ULK1: variants seen among roughly 807,000 people sequenced by gnomAD.
ULK1 encodes the protein unc-51 like autophagy activating kinase 1, also known as serine/threonine-protein kinase ULK1.
In ULK1, 48 loss-of-function variants were observed where a neutral mutation model predicts 117.5. The ratio of observed to expected loss-of-function variants is 0.41; its 90% CI spans 0.32 to 0.52. The LOEUF (loss-of-function observed/expected upper bound fraction) is 0.52, where lower values mean the gene tolerates loss of function less well. Ranked by LOEUF, ULK1 falls within the 20% of genes least tolerant of loss-of-function variation. The pLI, the probability that ULK1 is intolerant of heterozygous loss-of-function variation, is 0.29. For synonymous variants in ULK1, 790 were observed against 637.8 expected, an observed-to-expected ratio of 1.24 and a Z score of -3.60; for missense variants, 1,387 against 1,473.4, an observed-to-expected ratio of 0.94 and a Z score of 0.96.
chr12:131,907,383 G>T (rs1337651530), intron 4 of ULK1, 112 bp from the exon 5 acceptor site: 2 of 1,385,366 alleles, frequency 1.4e-6, no homozygotes, highest in Non-Finnish European at 2.0e-6. Flanking sequence ...CTGGGCAGGT[G>T]CCTGCGGGCT....
At chr12:131,909,294 C>G in intron 8 of ULK1, 57 bp downstream of exon 8, 4 of 1,499,442 alleles carry the variant, frequency 2.7e-6, no homozygotes, top group Non-Finnish European at 3.6e-6. Flanking sequence ...TGTCCGCCAG[C>G]TGCGGTCAGA....
chr12:131,901,353 C>T (rs1320765712), intron 3 of ULK1, among the ~76,000 whole-genome samples: 1 of 144,088 alleles, frequency 6.9e-6, no homozygotes, highest in African/African-American at 2.6e-5. Context: ...CGAGACTCGT[C>T]TCAAAAAAAA....
At position 131,895,593 on chromosome 12, in the gene ULK1, G is replaced by T. The variant is rs544474930; in HGVS notation, c.112-8G>T. ...CCCTGGCCTTGAAGGTGCACGTTTG[G>T]CTTTCAGAAGCACGATTTGGAGGTC... On this transcript the variant is annotated splice_polypyrimidine_tract_variant and splice_region_variant and intron_variant, in intron 1 of 27. Coordinates refer to ENST00000321867, the MANE Select transcript of ULK1 (RefSeq NM_003565.4). 6.2e-7 allele frequency: 1 copy of T among 1,613,496 alleles called. No homozygotes were observed. Among genetic ancestry groups the T allele is most frequent in the African/African-American group, 1.3e-5 (1 of 75,024 alleles).
At position 131,921,152 on chromosome 12, in the gene ULK1, C is replaced by T. The variant is rs772458456; in HGVS notation, c.3014C>T (p.Pro1005Leu). 6 of 1,604,472 alleles carry T rather than the reference C, an allele frequency of 3.7e-6. No homozygotes were observed. In the South Asian group the frequency reaches 6.6e-5, roughly 18 times the overall value. Residue 1005 changes from proline (P) to leucine (L), a missense_variant, in exon 27 of 28, where the codon CCA (proline) becomes CTA (leucine). Physicochemically the swap from Pro to Leu is moderately conservative, Grantham distance 98 (BLOSUM62 -3). Transcript: ENST00000321867. ...EMFQHREGCV[P>L]RYHKALLLLE... is the part of the protein sequence containing the mutation. ...TTCCAGCACCGTGAGGGCTGCGTCC[C>T]ACGCTACCACAAGGCCCTGCTGCTC...
Position 131,914,457 on chromosome 12 carries a change from C to T in ULK1, c.1353C>T (p.Pro451=), listed in dbSNP as rs777407961. 1.2e-6 allele frequency: 2 copies of T among 1,612,562 alleles called. No homozygotes were observed. Among genetic ancestry groups the T allele is most frequent in the African/African-American group, 2.7e-5 (2 of 74,952 alleles). ...YQRIERNLQS[P]TQFQTPRSSA... The stretch of plus-strand genomic sequence containing the variant: ...GCATTGAGCGAAACCTGCAGTCACC[C>T]ACCCAGTTCCAAACACCTCGGTGAG... The change falls in exon 16 of 28, where the codon CCC becomes CCT. Residue 451 remains proline (P), a synonymous_variant. Coordinates refer to ENST00000321867, the MANE Select transcript of ULK1 (RefSeq NM_003565.4).
intron 22 of ULK1, 192 bp from the exon 23 acceptor site, chr12:131,918,302 TGTG>T: frequency 3.0e-6 from 2 of 659,900 alleles, no homozygotes; most frequent in African/African-American, 1.8e-5. Flanking sequence ...ACTTGGGGGT[TGTG>T]GTGAGTGGCA....
intron 26 of ULK1, 148 bp downstream of exon 26, chr12:131,920,284 C>G: frequency 1.8e-6 from 2 of 1,087,828 alleles, no homozygotes; most frequent in Non-Finnish European, 2.6e-6. Flanking sequence ...ATTATGCACC[C>G]CCAGCCTCCT....
chr12:131,909,534 C>T lies in ULK1; in HGVS notation c.667-241C>T, dbSNP rs569478016. Among the ~76,000 whole-genome samples the T allele has an allele frequency of 3.9e-5, 6 of 152,302 alleles. No individual in the cohort carries two copies. In the East Asian group the frequency reaches 1.2e-3, roughly 29 times the overall value. On this transcript the variant is annotated intron_variant, in intron 8 of 27. Transcript: ENST00000321867. ...GTCAGAGGTGAGGGCAGCGCCGGGG[C>T]CGAGTGGGTGAGGGCTGGGAGGCCG...
At chr12:131,895,225 C>G in intron 1 of ULK1, 113 bp downstream of exon 1, 1 of 816,934 alleles carries the variant, frequency 1.2e-6, no homozygotes, top group South Asian at 1.9e-5. Context: ...GAGAGCCCCA[C>G]TCGACTTTCC....
At chr12:131,915,852 C>T (rs951162084) in intron 18 of ULK1, 39 bp from the exon 19 acceptor site, 1 of 1,602,178 alleles carries the variant, frequency 6.2e-7, no homozygotes, top group Non-Finnish European at 8.5e-7. Flanking sequence ...GGCTGGGCCG[C>T]CGGACCGGAA....
intron 8 of ULK1, 73 bp downstream of exon 8, chr12:131,909,310 C>T: frequency 9.6e-6 from 14 of 1,454,766 alleles, no homozygotes; most frequent in Non-Finnish European, 1.3e-5. Context: ...TCAGACGCCC[C>T]CTGCGAGCCC....
intron 1 of ULK1, among the ~76,000 whole-genome samples, 161 bp from the exon 2 acceptor site, chr12:131,895,440 C>T (rs1024435287): frequency 6.6e-6 from 1 of 152,002 alleles, no homozygotes; most frequent in Non-Finnish European, 1.5e-5. Flanking sequence ...GATCCCTACC[C>T]CAGGACCCCC....
chr12:131,916,322 C>G (rs530040436), intron 19 of ULK1, 76 bp from the exon 20 acceptor site: 1 of 1,517,930 alleles, frequency 6.6e-7, no homozygotes, highest in African/African-American at 1.4e-5. Context: ...CCTGCGGACT[C>G]GGCCCCTTCC....
chr12:131,915,159 G>A lies in ULK1; in HGVS notation c.1450G>A (p.Ala484Thr), dbSNP rs1256904550. The A allele has an allele frequency of 6.2e-6, 10 of 1,604,782 alleles. No individual in the cohort carries two copies. Among genetic ancestry groups the A allele is most frequent in the Middle Eastern group, 1.7e-4 (1 of 6,060 alleles). The change falls in exon 17 of 28, where the codon GCT becomes ACT. Residue 484 changes from alanine to threonine, a missense_variant. Transcript: ENST00000321867. ...ARASPSPPAH[A>T]EHGGVLARKM... is the part of the protein sequence containing the mutation. ...GGCCAGCCCCTCGCCCCCTGCCCAC[G>A]CTGAGCATGGAGGCGTCCTGGCCAG...
chr12:131,918,300 G>T (rs998274511), intron 22 of ULK1, 197 bp from the exon 23 acceptor site: 1 of 663,144 alleles, frequency 1.5e-6, no homozygotes, highest in Non-Finnish European at 2.5e-6. Flanking sequence ...GGACTTGGGG[G>T]TTGTGGTGAG....
chr12:131,913,132 CGGTGG>C, intron 13 of ULK1, 61 bp from the exon 14 acceptor site: 1 of 1,458,042 alleles, frequency 6.9e-7, no homozygotes, highest in Admixed American at 2.4e-5. Context: ...CAGAGAGCCT[CGGTGG>C]GGTGGGGTGG....
At chr12:131,901,060 T>C (rs1889065876) in intron 3 of ULK1, among the ~76,000 whole-genome samples, 1 of 150,732 alleles carries the variant, frequency 6.6e-6, no homozygotes, top group Non-Finnish European at 1.5e-5. Flanking sequence ...TTTTTAACTT[T>C]GAAAACAATG....
At position 131,909,672 on chromosome 12, in the gene ULK1, A is replaced by G. The variant is rs1889439599; in HGVS notation, c.667-103A>G. On this transcript the variant is annotated intron_variant, in intron 8 of 27. Coordinates refer to ENST00000321867, the MANE Select transcript of ULK1 (RefSeq NM_003565.4). ...GCACCCGGTTTCCCCCGGGCTTCGC[A>G]GCGTCTGGGGCAGGGGCCGACTGGG... is the stretch of plus-strand genomic sequence containing the variant. 5 of 1,247,648 alleles carry G rather than the reference A, an allele frequency of 4.0e-6. No individual in the cohort carries two copies. In the East Asian group the frequency reaches 1.1e-4, roughly 26 times the overall value. 77.3% of individuals were successfully genotyped at this position (1,247,648 alleles called of 1,614,324 possible).
At chr12:131,910,637 C>T in intron 11 of ULK1, 75 bp from the exon 12 acceptor site, 2 of 1,612,300 alleles carry the variant, frequency 1.2e-6, no homozygotes, top group Non-Finnish European at 1.7e-6. Flanking sequence ...TGAGCTTGTC[C>T]AGTCTGTGGG....
Sources: gnomAD v4.1 joint callset for allele counts (sites outside exome capture counted in the v4.1 genomes callset) on GRCh38, gnomAD v4.1.1 for gene constraint, MANE v1.5 for transcripts, NCBI Gene and HGNC (gene_info 2026-07-23, HGNC 2026-07-21) for gene names.